BPIFB4: variants seen among roughly 807,000 people sequenced by gnomAD.
The protein encoded by BPIFB4 is BPI fold-containing family B member 4.
In BPIFB4, 62 loss-of-function variants were observed where a neutral mutation model predicts 69.2. The ratio of observed to expected loss-of-function variants is 0.90; its 90% CI spans 0.73 to 1.11. The LOEUF (loss-of-function observed/expected upper bound fraction) is 1.11. Among genes scored for constraint, BPIFB4 ranks in the 50% least tolerant of loss-of-function variants. The pLI is 0.00. For synonymous variants in BPIFB4, 330 were observed against 332.7 expected, an observed-to-expected ratio of 0.99 and a Z score of 0.09; for missense variants, 789 against 792.0, an observed-to-expected ratio of 1.00 and a Z score of 0.04.
At chr20:33,105,203 C>T (rs1310963951) in intron 16 of BPIFB4, among the ~76,000 whole-genome samples, 1 of 152,154 alleles carries the variant, frequency 6.6e-6, no homozygotes, top group Non-Finnish European at 1.5e-5. Context: ...CAATGAATCT[C>T]AACATCTGAG....
intron 11 of BPIFB4, 79 bp downstream of exon 11, chr20:33,092,737 G>A: frequency 7.2e-7 from 1 of 1,392,132 alleles, no homozygotes; most frequent in Non-Finnish European, 1.0e-6. Flanking sequence ...CCACAGACTT[G>A]GGGAATTTGC....
Position 33,081,503 on chromosome 20 carries a change from C to T in BPIFB4, c.-15-9C>T. On this transcript the variant is annotated splice_polypyrimidine_tract_variant and intron_variant, in intron 2 of 17. Coordinates refer to ENST00000375483, the MANE Select transcript of BPIFB4 (RefSeq NM_182519.3). ...AGCCACATCTGCATCTGCACTTTCT[C>T]CTCCACAGGGAAGCAGTGCCAGCAT... 3 of 1,551,412 alleles carry T rather than the reference C, an allele frequency of 1.9e-6. No individual in the cohort carries two copies. Among genetic ancestry groups the T allele is most frequent in the South Asian group, 1.2e-5 (1 of 84,028 alleles).
rs1981945158 is a variant in BPIFB4, at chr20:33,102,920, T to C, written c.1638-52T>C. ...ACAATTTGTTGCAATGCAAGAGCCT[T>C]ATGATTTTCAGGCAATCCCTGCTTC... On this transcript the variant is annotated intron_variant, in intron 14 of 17. Transcript: ENST00000375483. 3 of 1,577,974 alleles carry C rather than the reference T, an allele frequency of 1.9e-6. No homozygotes were observed. In the East Asian group the frequency reaches 6.7e-5, roughly 35 times the overall value.
In BPIFB4 at chr20:33,083,768, C is replaced by G; in HGVS notation, c.571C>G (p.Leu191Val). The G allele has an allele frequency of 6.2e-7, 1 of 1,613,740 alleles. No homozygotes were observed. ...DGILAGQGGLLGGGGLLGDGG... is the reference protein window; with the variant it reads ...DGILAGQGGLVGGGGLLGDGG... ...CATCCTCGCAGGCCAAGGTGGCCTGCTCGGCGGAGGTGGTCTCCTTGGTGA... is the reference window on the plus strand; with the variant it reads ...CATCCTCGCAGGCCAAGGTGGCCTGGTCGGCGGAGGTGGTCTCCTTGGTGA... Residue 191 changes from leucine (L) to valine (V), a missense_variant, in exon 5 of 18, where the codon CTC becomes GTC. Transcript: ENST00000375483.
intron 14 of BPIFB4, among the ~76,000 whole-genome samples, chr20:33,101,993 A>G (rs1981920643): frequency 1.3e-5 from 2 of 152,228 alleles, no homozygotes; most frequent in Non-Finnish European, 2.9e-5. Context: ...TAAGCCCACC[A>G]ATGGCAGTTA....
chr20:33,089,869 C>T (rs1384435759), intron 9 of BPIFB4, among the ~76,000 whole-genome samples: 2 of 152,316 alleles, frequency 1.3e-5, no homozygotes, highest in African/African-American at 2.4e-5. Flanking sequence ...GTTTGAGCCC[C>T]GGTTCTGCCC....
chr20:33,098,002 T>C (rs1339671381), intron 13 of BPIFB4, among the ~76,000 whole-genome samples: 1 of 152,236 alleles, frequency 6.6e-6, no homozygotes, highest in Admixed American at 6.5e-5. Context: ...GACTAGAATC[T>C]TAACTCTCTT....
At chr20:33,082,862 A>G in intron 3 of BPIFB4, 76 bp from the exon 4 acceptor site, 1 of 1,423,534 alleles carries the variant, frequency 7.0e-7, no homozygotes, top group Non-Finnish European at 9.9e-7. Context: ...GCTGAGCAAC[A>G]CTGCGAGGTG....
chr20:33,091,732 C>G (rs1042307982), intron 10 of BPIFB4, among the ~76,000 whole-genome samples: 1 of 152,232 alleles, frequency 6.6e-6, no homozygotes, highest in Non-Finnish European at 1.5e-5. Flanking sequence ...CAGTGATGAA[C>G]AAGACAAAGT....
chr20:33,091,631 A>G (rs1213173813), intron 10 of BPIFB4, among the ~76,000 whole-genome samples: 1 of 152,270 alleles, frequency 6.6e-6, no homozygotes, highest in Non-Finnish European at 1.5e-5. Flanking sequence ...ATATATTCAT[A>G]AACATACATC....
In BPIFB4 at chr20:33,095,133, C is replaced by A; in HGVS notation, c.1378C>A (p.Leu460Met). 8 of 1,612,682 alleles carry A rather than the reference C, an allele frequency of 5.0e-6. 1 individual carries two copies. Among genetic ancestry groups the A allele is most frequent in the Non-Finnish European group, 6.8e-6 (8 of 1,178,624 alleles). Reference protein sequence around the residue: ...EELPPLTTATLGALIPKVFQQ... With the variant: ...EELPPLTTATMGALIPKVFQQ... Reference sequence around the variant, plus strand: ...GCTTCCTCCACTTACCACAGCCACACTGGGAGCCCTGATCCCCAAGGTATG... The same window carrying A: ...GCTTCCTCCACTTACCACAGCCACAATGGGAGCCCTGATCCCCAAGGTATG... The change falls in exon 12 of 18, where the codon CTG (leucine) becomes ATG (methionine). Residue 460 changes from leucine (L) to methionine (M), a missense_variant. Physicochemically the swap from Leu to Met is conservative, Grantham distance 15. This residue lies in a region of BPIFB4 where 170 missense variants were observed against 193.6 expected (regional missense o/e 0.88). Coordinates refer to ENST00000375483, the MANE Select transcript of BPIFB4 (RefSeq NM_182519.3).
In BPIFB4 at chr20:33,083,477, G is replaced by A. The variant is rs778141609; in HGVS notation, c.280G>A (p.Asp94Asn). Residue 94 changes from aspartate (D) to asparagine (N), a missense_variant, in exon 5 of 18, where the codon GAC becomes AAC. Physicochemically the swap from Asp to Asn is conservative, Grantham distance 23. This residue lies in a region of BPIFB4 where 611 missense variants were observed against 575.4 expected (regional missense o/e 1.06). Coordinates refer to ENST00000375483, the MANE Select transcript of BPIFB4 (RefSeq NM_182519.3). ...CCAGTATGGTCACATTGAGACCAAC[G>A]ACAACACTGCTCAGCTGGGGGGCAA... Reference protein sequence around the residue: ...IYQYGHIETNDNTAQLGGKYR... With the variant: ...IYQYGHIETNNNTAQLGGKYR... The A allele has an allele frequency of 2.9e-5, 47 of 1,613,878 alleles. No individual in the cohort carries two copies. The highest frequency in any genetic ancestry group is 8.3e-5 in the Admixed American group (5 of 59,996).
Position 33,086,052 on chromosome 20 carries a change from G to A in BPIFB4, c.814G>A (p.Val272Met). ...TGGCTTCCTGGACATCGCAGTAGAAGTGAACATCACAGCCAAGGTCCGGCT... is the reference window on the plus strand; with the variant it reads ...TGGCTTCCTGGACATCGCAGTAGAAATGAACATCACAGCCAAGGTCCGGCT... Reference protein sequence around the residue: ...LIGFLDIAVEVNITAKVRLTM... With the variant: ...LIGFLDIAVEMNITAKVRLTM... The change falls in exon 7 of 18, where the codon GTG becomes ATG. Residue 272 changes from valine to methionine, a missense_variant. This residue lies in a region of BPIFB4 where 611 missense variants were observed against 575.4 expected (regional missense o/e 1.06). Coordinates refer to ENST00000375483, the MANE Select transcript of BPIFB4 (RefSeq NM_182519.3). 6.2e-7 allele frequency: 1 copy of A among 1,613,094 alleles called. No individual in the cohort carries two copies. Among genetic ancestry groups the A allele is most frequent in the Non-Finnish European group, 8.5e-7 (1 of 1,179,128 alleles).
At position 33,099,561 on chromosome 20, in the gene BPIFB4, C is replaced by T. The variant is rs556864771; in HGVS notation, c.1570-865C>T. 2.2e-4 allele frequency among the ~76,000 whole-genome samples: 33 copies of T among 152,292 alleles called. 2 individuals carry two copies. The South Asian group carries it at 6.8e-3, about 32-fold the overall frequency. ...TGCAGCCTCACGAACCCTTTTACCTCCTTGCTCTCTGGCCTCCTCTCTACC... is the reference window on the plus strand; with the variant it reads ...TGCAGCCTCACGAACCCTTTTACCTTCTTGCTCTCTGGCCTCCTCTCTACC... On this transcript the variant is annotated intron_variant, in intron 13 of 17. Coordinates refer to ENST00000375483, the MANE Select transcript of BPIFB4 (RefSeq NM_182519.3).
At chr20:33,080,953 G>A (rs575256211) in intron 2 of BPIFB4, among the ~76,000 whole-genome samples, 1 of 152,116 alleles carries the variant, frequency 6.6e-6, no homozygotes. Flanking sequence ...ATGGATGGTT[G>A]GTTGGATGGA....
rs755583277 is a variant in BPIFB4 at position 33,089,014 on chromosome 20, C to T, written c.975C>T (p.Asp325=). 1.9e-5 allele frequency: 30 copies of T among 1,613,708 alleles called. No individual in the cohort carries two copies. The East Asian group carries it at 3.8e-4, about 20-fold the overall frequency. The change falls in exon 8 of 18, where the codon GAC becomes GAT. Residue 325 remains aspartate, a synonymous_variant. Transcript: ENST00000375483. ...VDNLVNRVLA[D]VLPDLLCPIV... ...ATTTAGTGAACCGAGTCCTGGCCGA[C>T]GTCCTCCCTGACTTGGTAAGAAGCT...
chr20:33,096,859 C>T (rs1203791625), intron 12 of BPIFB4, among the ~76,000 whole-genome samples: 1 of 152,142 alleles, frequency 6.6e-6, no homozygotes, highest in Non-Finnish European at 1.5e-5. Flanking sequence ...GTGGTTTTGC[C>T]CATTTCTCTA....
rs149081305 is a variant in BPIFB4, at chr20:33,104,298, G to A, written c.1681-512G>A. On this transcript the variant is annotated intron_variant, in intron 15 of 17. Coordinates refer to ENST00000375483, the MANE Select transcript of BPIFB4 (RefSeq NM_182519.3). ...AAAGGCTCAAGGCCAGGAGTTTTACGTGATCTACCCACCATCCTCACCGCA... is the reference window on the plus strand; with the variant it reads ...AAAGGCTCAAGGCCAGGAGTTTTACATGATCTACCCACCATCCTCACCGCA... 8.3e-4 allele frequency among the ~76,000 whole-genome samples: 127 copies of A among 152,332 alleles called. 1 individual carries two copies. In the East Asian group the frequency reaches 0.01, roughly 12 times the overall value.
Position 33,083,548 on chromosome 20 carries a change from C to T in BPIFB4, c.351C>T (p.Asp117=). The T allele has an allele frequency of 6.2e-7, 1 of 1,614,016 alleles. No homozygotes were observed. ...TTGAGTCCGAGGGAAGCATCAGGGA[C>T]CTCCGAAACAGTGGCTATCGCAGTG... is the stretch of plus-strand genomic sequence containing the variant. ...EILESEGSIR[D]LRNSGYRSAE... The change falls in exon 5 of 18, where the codon GAC becomes GAT. Residue 117 remains aspartate, a synonymous_variant. Coordinates refer to ENST00000375483, the MANE Select transcript of BPIFB4 (RefSeq NM_182519.3).
Sources: gnomAD v4.1 joint callset for allele counts (sites outside exome capture counted in the v4.1 genomes callset) on GRCh38, gnomAD v4.1.1 for gene constraint, gnomAD v4.1.1 regional missense constraint, MANE v1.5 for transcripts, NCBI Gene and HGNC (gene_info 2026-07-23, HGNC 2026-07-21) for gene names.